Variants in JAKMIP1 observed in about 807,000 individuals in gnomAD.
JAKMIP1 encodes janus kinase and microtubule-interacting protein 1.
A neutral mutation model predicts 113.0 loss-of-function variants in JAKMIP1; 33 were observed. The observed-to-expected ratio is 0.29, with a 90% CI of 0.22 to 0.39. JAKMIP1 has a LOEUF of 0.39. JAKMIP1 is among the 10% of genes least tolerant of loss of function. The probability of loss-of-function intolerance (pLI) is 1.00; values close to 1 mark genes in which losing one functional copy is unlikely to be tolerated. For synonymous variants in JAKMIP1, 480 were observed against 459.9 expected (o/e 1.04, Z -0.56); for missense variants, 813 against 1,080.5 (o/e 0.75, Z 3.47).
In JAKMIP1 at chr4:6,112,782, G is replaced by A. The variant is rs747430834; in HGVS notation, c.69C>T (p.Asn23=). ...TGGTCAGCTTGGCCCGCAGCTCCTC[G>A]TTGGCCATCTGCACCGCGTCCGTCT... ...EMETDAVQMA[N]EELRAKLTSI... Residue 23 remains asparagine, a synonymous_variant, in exon 2 of 21, where the codon AAC becomes AAT. Transcript: ENST00000409021. 31 of 1,613,958 alleles carry A rather than the reference G, an allele frequency of 1.9e-5. No individual in the cohort carries two copies. Among genetic ancestry groups the A allele is most frequent in the South Asian group, 3.3e-5 (3 of 91,094 alleles).
At position 6,131,444 on chromosome 4, in the gene JAKMIP1, C is replaced by A. The variant is rs111544646; in HGVS notation, c.-147-18447G>T. Among the ~76,000 whole-genome samples, 1,384 of 150,852 alleles carry A rather than the reference C, an allele frequency of 9.2e-3. 17 individuals are homozygous for A. Among genetic ancestry groups the A allele is most frequent in the African/African-American group, 0.031 (1,274 of 41,072 alleles). ...GAAAAGTAGAGATAAAGAAAAGATACTGGGGCCTGGCATGGTGGCTCATGC... is the reference window on the plus strand; with the variant it reads ...GAAAAGTAGAGATAAAGAAAAGATAATGGGGCCTGGCATGGTGGCTCATGC... On this transcript the variant is annotated intron_variant, in intron 1 of 20. Coordinates refer to ENST00000409021, the MANE Select transcript of JAKMIP1 (RefSeq NM_001099433.2).
rs138245581 is a variant in JAKMIP1 at position 6,118,041 on chromosome 4, G to A, written c.-147-5044C>T. ...GATACATATCCTTCTTGGCTGACAG[G>A]ATTAAGAGATTAAAGTAAAGACAGG... is the stretch of plus-strand genomic sequence containing the variant. On this transcript the variant is annotated intron_variant, in intron 1 of 20. Transcript: ENST00000409021. Among the ~76,000 whole-genome samples, 366 of 152,312 alleles carry A rather than the reference G, an allele frequency of 2.4e-3. 8 individuals carry two copies. The East Asian group carries it at 0.049, about 20-fold the overall frequency.
intron 3 of JAKMIP1, among the ~76,000 whole-genome samples, chr4:6,092,821 C>G (rs960887852): frequency 6.6e-6 from 1 of 152,198 alleles, no homozygotes; most frequent in Non-Finnish European, 1.5e-5. Flanking sequence ...GCAGGGGCCT[C>G]GATTCTACCT....
rs1049686118 is a variant in JAKMIP1, at chr4:6,154,931, G to A, written c.-147-41934C>T. On this transcript the variant is annotated intron_variant, in intron 1 of 20. Transcript: ENST00000409021. This position sits in a 1 kb window ranked among gnomAD's most constrained non-coding sequence, Gnocchi z 4.2. ...CACTCCACAAACCAACACAGAGCAC[G>A]CAGGGAAAGGTGCGGGGTAGGGTGG... 2.0e-5 allele frequency among the ~76,000 whole-genome samples: 3 copies of A among 152,124 alleles called. No individual in the cohort carries two copies. Among genetic ancestry groups the A allele is most frequent in the South Asian group, 2.1e-4 (1 of 4,820 alleles).
intron 1 of JAKMIP1, among the ~76,000 whole-genome samples, chr4:6,125,695 C>T (rs749175078): frequency 1.7e-4 from 11 of 62,952 alleles, no homozygotes; most frequent in African/African-American, 3.2e-4. Context: ...GAAACACACA[C>T]GCACACCATA....
chr4:6,135,382 C>T lies in JAKMIP1; in HGVS notation c.-147-22385G>A, dbSNP rs114743511. Reference sequence around the variant, plus strand: ...GCCGTCTACAAGCCAAGGAGAGAGGCTTCGGAAGAAACCAACCCTGGTGGC... The same window carrying T: ...GCCGTCTACAAGCCAAGGAGAGAGGTTTCGGAAGAAACCAACCCTGGTGGC... On this transcript the variant is annotated intron_variant, in intron 1 of 20. Transcript: ENST00000409021. The surrounding 1 kb of genome is among the most constrained non-coding windows in gnomAD (Gnocchi z 4.9). 2.5e-3 allele frequency among the ~76,000 whole-genome samples: 377 copies of T among 152,222 alleles called. 3 individuals carry two copies. Among genetic ancestry groups the T allele is most frequent in the African/African-American group, 8.8e-3 (364 of 41,540 alleles).
rs552402413 is a variant in JAKMIP1 at position 6,064,480 on chromosome 4, G to C, written c.1431+400C>G. On this transcript the variant is annotated intron_variant, in intron 9 of 20. Transcript: ENST00000409021. The surrounding 1 kb of genome is among the most constrained non-coding windows in gnomAD (Gnocchi z 4.3). ...TCTTAGTCAAGAAAGCAATGATGCT[G>C]TTTCTGCCCGGTGGTGTGTCCGTGT... Among the ~76,000 whole-genome samples, 4 of 152,324 alleles carry C rather than the reference G, an allele frequency of 2.6e-5. No homozygotes were observed. The South Asian group carries it at 8.3e-4, about 32-fold the overall frequency.
intron 1 of JAKMIP1, among the ~76,000 whole-genome samples, chr4:6,151,959 A>T (rs533473785): frequency 5.9e-5 from 9 of 152,294 alleles, no homozygotes; most frequent in African/African-American, 1.9e-4. Flanking sequence ...TGTTATGATG[A>T]CTTTTACTTG....
At chr4:6,163,197 C>T (rs113119739) in intron 1 of JAKMIP1, among the ~76,000 whole-genome samples, 289 of 152,310 alleles carry the variant, frequency 1.9e-3, no homozygotes, top group Non-Finnish European at 3.4e-3. Context: ...TATCGTGCTT[C>T]GCAGATATTA....
intron 1 of JAKMIP1, among the ~76,000 whole-genome samples, chr4:6,161,586 G>A (rs910001011): frequency 1.3e-5 from 2 of 151,994 alleles, no homozygotes; most frequent in Admixed American, 6.6e-5. Context: ...CAGATGGAGA[G>A]AGCTGGTGTA....
chr4:6,058,923 T>C (rs866920021), intron 11 of JAKMIP1, among the ~76,000 whole-genome samples: 19 of 152,338 alleles, frequency 1.2e-4, no homozygotes, highest in Middle Eastern at 6.8e-3. Context: ...AAAAGCCTTA[T>C]CATCTCGCAC....
intron 1 of JAKMIP1, among the ~76,000 whole-genome samples, chr4:6,127,975 C>G (rs1171293589): frequency 1.3e-5 from 2 of 152,218 alleles, no homozygotes; most frequent in Admixed American, 6.5e-5. Context: ...CCACCACCCC[C>G]ATCTCTGGGT....
chr4:6,069,064 G>A lies in JAKMIP1; in HGVS notation c.1303-4056C>T, dbSNP rs1718576455. ...TAGAAACAATATATTAATGTTTAAA[G>A]TAAAAACACAGTGGCTATCTTCCTT... is the stretch of plus-strand genomic sequence containing the variant. On this transcript the variant is annotated intron_variant, in intron 8 of 20. Coordinates refer to ENST00000409021, the MANE Select transcript of JAKMIP1 (RefSeq NM_001099433.2). This position sits in a 1 kb window ranked among gnomAD's most constrained non-coding sequence, Gnocchi z 4.5. Among the ~76,000 whole-genome samples, 1 of 152,100 alleles carries A rather than the reference G, an allele frequency of 6.6e-6. No homozygotes were observed. The highest frequency in any genetic ancestry group is 2.4e-5 in the African/African-American group (1 of 41,418).
chr4:6,177,463 G>C (rs1193434844), intron 1 of JAKMIP1, among the ~76,000 whole-genome samples: 1 of 152,128 alleles, frequency 6.6e-6, no homozygotes, highest in Non-Finnish European at 1.5e-5. Flanking sequence ...CTCCATGTTT[G>C]CCACGGCTTC....
chr4:6,158,865 G>T lies in JAKMIP1; in HGVS notation c.-148+41388C>A, dbSNP rs894292592. On this transcript the variant is annotated intron_variant, in intron 1 of 20. Coordinates refer to ENST00000409021, the MANE Select transcript of JAKMIP1 (RefSeq NM_001099433.2). This position sits in a 1 kb window ranked among gnomAD's most constrained non-coding sequence, Gnocchi z 5.3. ...TCACTTTGGGAGTTTGAAGCAGGAGGATCGCTTGACCTCAGGAGTTCGAGA... is the reference window on the plus strand; with the variant it reads ...TCACTTTGGGAGTTTGAAGCAGGAGTATCGCTTGACCTCAGGAGTTCGAGA... 6.6e-6 allele frequency among the ~76,000 whole-genome samples: 1 copy of T among 152,120 alleles called. No homozygotes were observed. The highest frequency in any genetic ancestry group is 2.4e-5 in the African/African-American group (1 of 41,420).
In JAKMIP1 at chr4:6,044,462, G is replaced by A. The variant is rs921997881; in HGVS notation, c.2029-2235C>T. Reference sequence around the variant, plus strand: ...CCAGTACGGGCTCTGTGCCAGCCACGGTGGCAGCACCCAGCACCCTGTGCC... The same window carrying A: ...CCAGTACGGGCTCTGTGCCAGCCACAGTGGCAGCACCCAGCACCCTGTGCC... On this transcript the variant is annotated intron_variant, in intron 16 of 20. Coordinates refer to ENST00000409021, the MANE Select transcript of JAKMIP1 (RefSeq NM_001099433.2). The surrounding 1 kb of genome is among the most constrained non-coding windows in gnomAD (Gnocchi z 4.4). Among the ~76,000 whole-genome samples, 4 of 143,808 alleles carry A rather than the reference G, an allele frequency of 2.8e-5. No individual in the cohort carries two copies. The highest frequency in any genetic ancestry group is 4.7e-5 in the Non-Finnish European group (3 of 63,802). The allele number at this position is 143,808 out of a possible 152,430, so 94.3% of individuals were successfully genotyped here.
chr4:6,082,260 C>A (rs1284118955), intron 5 of JAKMIP1, among the ~76,000 whole-genome samples: 3 of 151,934 alleles, frequency 2.0e-5, no homozygotes, highest in Admixed American at 6.6e-5. Flanking sequence ...TGACTCTAGA[C>A]CCCTGCGTTT....
At chr4:6,149,957 T>C (rs928887968) in intron 1 of JAKMIP1, among the ~76,000 whole-genome samples, 1 of 152,108 alleles carries the variant, frequency 6.6e-6, no homozygotes, top group Non-Finnish European at 1.5e-5. Context: ...GCTCTGCACC[T>C]TCCACTGCCC....
rs931163331 is a variant in JAKMIP1 at position 6,192,970 on chromosome 4, C to A, written c.-148+7283G>T. On this transcript the variant is annotated intron_variant, in intron 1 of 20. Coordinates refer to ENST00000409021, the MANE Select transcript of JAKMIP1 (RefSeq NM_001099433.2). This position sits in a 1 kb window ranked among gnomAD's most constrained non-coding sequence, Gnocchi z 5.0. The stretch of plus-strand genomic sequence containing the variant: ...TCCTGGGTGTGTCTGTGAGGGTGTT[C>A]CCAAAAGAGATTAACAATTGAGTCA... Among the ~76,000 whole-genome samples the A allele has an allele frequency of 1.3e-5, 2 of 152,054 alleles. No homozygotes were observed. Among genetic ancestry groups the A allele is most frequent in the African/African-American group, 4.8e-5 (2 of 41,398 alleles).
Sources: allele counts gnomAD v4.1 joint callset (sites outside exome capture counted in the v4.1 genomes callset), GRCh38; gene constraint gnomAD v4.1.1; non-coding constraint Gnocchi (gnomAD v3.1); transcripts MANE v1.5; gene names NCBI Gene and HGNC (gene_info 2026-07-23, HGNC 2026-07-21).